Variants in ATXN1 observed in about 807,000 individuals in gnomAD.
The protein encoded by ATXN1 is ataxin-1.
In ATXN1, 8 loss-of-function variants were observed where a neutral mutation model predicts 56.4. That is an observed-to-expected ratio of 0.14 (90% confidence interval 0.08 to 0.26). ATXN1 has a LOEUF of 0.26. Among genes scored for constraint, ATXN1 ranks in the 10% least tolerant of loss-of-function variants. ATXN1 has a pLI of 1.00. For missense variants in ATXN1, 987 were observed against 1,106.5 expected (o/e 0.89, Z 1.53); for synonymous variants, 514 against 494.6 (o/e 1.04, Z -0.52).
rs777340775 is a variant in ATXN1, at chr6:16,327,468, G to T, written c.843C>A (p.Leu281=). The T allele has an allele frequency of 6.2e-7, 1 of 1,613,496 alleles. No individual in the cohort carries two copies. Among genetic ancestry groups the T allele is most frequent in the Non-Finnish European group, 8.5e-7 (1 of 1,179,940 alleles). ...CGACCTGGGAGGGGGGCCCCAGGGT[G>T]AGCGTGTGTGGGATCATCGTCTGGT... ...HPHQTMIPHT[L]TLGPPSQVVM... The change falls in exon 7 of 8, where the codon CTC becomes CTA. Residue 281 remains leucine, a synonymous_variant. Transcript: ENST00000436367.
At chr6:16,341,877 A>ATT (rs34092584) in intron 6 of ATXN1, among the ~76,000 whole-genome samples, 9,022 of 86,782 alleles carry the variant, frequency 0.1, 1,142 homozygotes, top group African/African-American at 0.17. Context: ...TGTCTCAGTG[A>ATT]TTTTTTTTTT....
intron 6 of ATXN1, among the ~76,000 whole-genome samples, chr6:16,455,303 C>T (rs1393289264): frequency 6.6e-6 from 1 of 152,148 alleles, no homozygotes; most frequent in Non-Finnish European, 1.5e-5. Flanking sequence ...ATAGAGATGG[C>T]AAGTAAGCAC....
chr6:16,316,771 A>C (rs116079497), intron 7 of ATXN1, among the ~76,000 whole-genome samples: 3,401 of 152,080 alleles, frequency 0.022, 122 homozygotes, highest in African/African-American at 0.075. Flanking sequence ...CAAAACAAAA[A>C]AAAAACTGAA....
intron 2 of ATXN1, among the ~76,000 whole-genome samples, chr6:16,666,036 G>A (rs905530681): frequency 2.3e-4 from 35 of 152,042 alleles, no homozygotes; most frequent in African/African-American, 8.0e-4. Context: ...ATAAGTTATT[G>A]TTAACTATTG....
chr6:16,581,039 A>G (rs977612889), intron 4 of ATXN1, among the ~76,000 whole-genome samples: 1 of 151,986 alleles, frequency 6.6e-6, no homozygotes, highest in South Asian at 2.1e-4. Context: ...CAACCTTATG[A>G]TATAGATGTA....
At position 16,305,205 on chromosome 6, in the gene ATXN1, T is replaced by G; in HGVS notation, c.*1124A>C. 6.6e-6 allele frequency: 1 copy of G among 152,604 alleles called. No individual in the cohort carries two copies. The highest frequency in any genetic ancestry group is 1.9e-4 in the East Asian group (1 of 5,208). The allele number at this position is 152,604 out of a possible 1,614,324, so 9.5% of individuals were successfully genotyped here. Reference sequence around the variant, plus strand: ...TTGGTAATAAAGTGTGAACAGTATTTTTAAATGCTTAAAGATAGTAATATA... The same window carrying G: ...TTGGTAATAAAGTGTGAACAGTATTGTTAAATGCTTAAAGATAGTAATATA... On this transcript the variant is annotated 3_prime_UTR_variant, in exon 8 of 8. Transcript: ENST00000436367.
intron 1 of ATXN1, chr6:16,761,064 A>T (rs932847226): frequency 3.8e-5 from 12 of 314,096 alleles, no homozygotes; most frequent in South Asian, 2.5e-4. Flanking sequence ...ATGTACACAC[A>T]TACACACACA....
intron 1 of ATXN1, chr6:16,754,720 G>T (rs1263135381): frequency 6.6e-6 from 1 of 152,170 alleles, no homozygotes; most frequent in Non-Finnish European, 1.5e-5. Context: ...AGGAATTCTT[G>T]TAGTCCTTGG....
At chr6:16,485,551 G>C (rs976078299) in intron 6 of ATXN1, 2 of 152,084 alleles carry the variant, frequency 1.3e-5, no homozygotes, top group Admixed American at 1.3e-4. Context: ...AAGAATAATT[G>C]CTGGATGGAA....
At chr6:16,743,984 A>C (rs994633916) in intron 2 of ATXN1, among the ~76,000 whole-genome samples, 7 of 152,178 alleles carry the variant, frequency 4.6e-5, no homozygotes, top group Admixed American at 4.6e-4. Flanking sequence ...GACCATGAGA[A>C]CCCAGGGAGG....
At chr6:16,358,729 A>G (rs1233171499) in intron 6 of ATXN1, among the ~76,000 whole-genome samples, 1 of 152,190 alleles carries the variant, frequency 6.6e-6, no homozygotes, top group Non-Finnish European at 1.5e-5. Context: ...CCTGCTCCAC[A>G]GAGCAAGCAG....
intron 6 of ATXN1, among the ~76,000 whole-genome samples, chr6:16,464,076 C>T (rs1760052437): frequency 1.3e-5 from 2 of 152,188 alleles, no homozygotes; most frequent in South Asian, 4.1e-4. Context: ...TTCCCAACAG[C>T]AGCTGGGGTG....
intron 6 of ATXN1, among the ~76,000 whole-genome samples, chr6:16,330,979 T>C (rs1453585937): frequency 6.6e-6 from 1 of 151,974 alleles, no homozygotes; most frequent in East Asian, 1.9e-4. Flanking sequence ...GAAGGAGTAA[T>C]GTCACTTATT....
At chr6:16,469,074 T>A (rs901077844) in intron 6 of ATXN1, among the ~76,000 whole-genome samples, 4 of 151,670 alleles carry the variant, frequency 2.6e-5, no homozygotes, top group Non-Finnish European at 5.9e-5. Flanking sequence ...AAAGGCAGAG[T>A]TTTAAAATGC....
In ATXN1 at chr6:16,734,967, T is replaced by C. The variant is rs143383305; in HGVS notation, c.-615+18266A>G. On this transcript the variant is annotated intron_variant, in intron 2 of 7. Transcript: ENST00000436367. ...CCTTATTTTTTATAATTTACATTTA[T>C]TTTGTGAATATACTTTTGTATTTCT... Among the ~76,000 whole-genome samples, 18 of 152,326 alleles carry C rather than the reference T, an allele frequency of 1.2e-4. No homozygotes were observed. The East Asian group carries it at 3.5e-3, about 29-fold the overall frequency.
chr6:16,314,252 T>C (rs1760463211), intron 7 of ATXN1, among the ~76,000 whole-genome samples: 2 of 152,240 alleles, frequency 1.3e-5, no homozygotes, highest in Non-Finnish European at 2.9e-5. Flanking sequence ...ACATCTCAAA[T>C]AGGTACACTC....
intron 4 of ATXN1, among the ~76,000 whole-genome samples, chr6:16,524,968 C>T (rs1420962793): frequency 1.3e-5 from 2 of 152,154 alleles, no homozygotes; most frequent in African/African-American, 4.8e-5. Context: ...AGGAAAATTG[C>T]TTGAACTCGG....
intron 6 of ATXN1, among the ~76,000 whole-genome samples, chr6:16,437,255 A>G (rs1284528073): frequency 1.3e-5 from 2 of 152,190 alleles, no homozygotes; most frequent in East Asian, 1.9e-4. Flanking sequence ...ACTTTCCGCT[A>G]CTTTCCACTC....
intron 4 of ATXN1, among the ~76,000 whole-genome samples, chr6:16,529,293 G>A (rs1219102443): frequency 6.8e-6 from 1 of 146,750 alleles, no homozygotes; most frequent in East Asian, 2.0e-4. Flanking sequence ...TTGTGTATTA[G>A]TGCCCAACAG....
Sources: gnomAD v4.1 joint callset for allele counts (sites outside exome capture counted in the v4.1 genomes callset) on GRCh38, gnomAD v4.1.1 for gene constraint, MANE v1.5 for transcripts, NCBI Gene and HGNC (gene_info 2026-07-23, HGNC 2026-07-21) for gene names.